The following DLG2 variants were observed in gnomAD, a reference collection of about 807,000 sequenced individuals.
DLG2 encodes the protein disks large homolog 2.
In DLG2, 45 loss-of-function variants were observed where a neutral mutation model predicts 132.5. The observed-to-expected ratio is 0.34, with a 90% CI of 0.27 to 0.44. DLG2 has a LOEUF of 0.44. DLG2 is among the 20% of genes least tolerant of loss of function. DLG2 has a pLI of 1.00. For synonymous variants in DLG2, 424 were observed against 419.6 expected (o/e 1.01, Z -0.13); for missense variants, 1,045 against 1,196.9 (o/e 0.87, Z 1.87).
rs145957192 is a variant in DLG2, at chr11:84,595,122, A to G, written c.358-60391T>C. ...TGGGGGTCTCATACCTATCTTGAATATATAGTTATGGTAGAAAAAGTTCTA... is the reference window on the plus strand; with the variant it reads ...TGGGGGTCTCATACCTATCTTGAATGTATAGTTATGGTAGAAAAAGTTCTA... On this transcript the variant is annotated intron_variant, in intron 6 of 27. Coordinates refer to ENST00000376104, the MANE Select transcript of DLG2 (RefSeq NM_001142699.3). 1.9e-3 allele frequency among the ~76,000 whole-genome samples: 288 copies of G among 152,224 alleles called. 3 individuals carry two copies. The highest frequency in any genetic ancestry group is 6.6e-3 in the African/African-American group (274 of 41,530).
intron 18 of DLG2, among the ~76,000 whole-genome samples, chr11:83,695,815 A>C (rs1471883252): frequency 6.6e-6 from 1 of 152,100 alleles, no homozygotes; most frequent in Non-Finnish European, 1.5e-5. Context: ...TAACCAAGGG[A>C]GAAGAGGTTG....
chr11:84,780,313 TTAA>T (rs2071496251), intron 6 of DLG2, among the ~76,000 whole-genome samples: 1 of 151,796 alleles, frequency 6.6e-6, no homozygotes, highest in Non-Finnish European at 1.5e-5. Flanking sequence ...GAAAAAGCAT[TTAA>T]TAAAATTCAG....
chr11:84,994,332 T>C (rs1666869455), intron 6 of DLG2, among the ~76,000 whole-genome samples: 1 of 152,186 alleles, frequency 6.6e-6, no homozygotes, highest in South Asian at 2.1e-4. Flanking sequence ...TCAAGTGGGA[T>C]CATTCCTGTA....
intron 4 of DLG2, among the ~76,000 whole-genome samples, chr11:85,259,029 G>C (rs1204964972): frequency 6.6e-6 from 1 of 152,152 alleles, no homozygotes; most frequent in Non-Finnish European, 1.5e-5. Context: ...TTGAGGTTCT[G>C]TCACCCCTTA....
At chr11:84,582,197 G>A (rs1381281575) in intron 6 of DLG2, among the ~76,000 whole-genome samples, 2 of 151,588 alleles carry the variant, frequency 1.3e-5, no homozygotes, top group South Asian at 2.1e-4. Context: ...AAGTTCTTGA[G>A]TAGAAAGGCA....
At chr11:83,791,930 C>A (rs2041677719) in intron 17 of DLG2, among the ~76,000 whole-genome samples, 1 of 152,188 alleles carries the variant, frequency 6.6e-6, no homozygotes, top group Non-Finnish European at 1.5e-5. Context: ...CTTTATTTCT[C>A]TTGCTCTCCT....
intron 17 of DLG2, among the ~76,000 whole-genome samples, chr11:83,818,723 T>C (rs1227776008): frequency 6.6e-6 from 1 of 152,148 alleles, no homozygotes; most frequent in African/African-American, 2.4e-5. Context: ...CAGGGAAAGA[T>C]GGTGAGCCAC....
chr11:85,066,139 T>C (rs767067666), intron 6 of DLG2, among the ~76,000 whole-genome samples: 1 of 151,338 alleles, frequency 6.6e-6, no homozygotes, highest in Non-Finnish European at 1.5e-5. Flanking sequence ...AACTCAGAAA[T>C]AGAAAAGATT....
At chr11:85,573,524 G>A (rs1304777487) in intron 3 of DLG2, among the ~76,000 whole-genome samples, 1 of 152,202 alleles carries the variant, frequency 6.6e-6, no homozygotes, top group South Asian at 2.1e-4. Flanking sequence ...GTAGTGGCTA[G>A]TAGCCACTGG....
At chr11:83,721,642 A>G (rs1438457393) in intron 18 of DLG2, among the ~76,000 whole-genome samples, 1 of 152,262 alleles carries the variant, frequency 6.6e-6, no homozygotes, top group Non-Finnish European at 1.5e-5. Context: ...TTTGTCAGCA[A>G]TGAGGAAAGC....
chr11:84,879,190 G>T (rs888686209), intron 6 of DLG2, among the ~76,000 whole-genome samples: 1 of 152,042 alleles, frequency 6.6e-6, no homozygotes, highest in Admixed American at 6.6e-5. Flanking sequence ...TCTAATGGCT[G>T]CAAGTCAATC....
intron 3 of DLG2, among the ~76,000 whole-genome samples, chr11:85,482,685 G>C (rs775879274): frequency 1.4e-4 from 22 of 152,070 alleles, no homozygotes; most frequent in Non-Finnish European, 2.6e-4. Context: ...GCAAGTACTT[G>C]TGATCCTAAG....
At chr11:84,005,296 C>T (rs1044440003) in intron 11 of DLG2, among the ~76,000 whole-genome samples, 8 of 151,900 alleles carry the variant, frequency 5.3e-5, no homozygotes, top group Non-Finnish European at 8.9e-5. Context: ...TGGATATCCA[C>T]ATGCAAAAGA....
intron 11 of DLG2, among the ~76,000 whole-genome samples, chr11:84,025,421 C>T (rs567061151): frequency 3.9e-5 from 6 of 152,088 alleles, no homozygotes; most frequent in African/African-American, 7.2e-5. Context: ...TCCCCCAACA[C>T]TTGGGAATTC....
At chr11:84,234,563 A>G (rs541997530) in intron 8 of DLG2, among the ~76,000 whole-genome samples, 1 of 152,240 alleles carries the variant, frequency 6.6e-6, no homozygotes, top group Non-Finnish European at 1.5e-5. Flanking sequence ...AAGCCCCCCA[A>G]CCAACCAAAT....
chr11:84,385,710 A>G (rs887776257), intron 7 of DLG2, among the ~76,000 whole-genome samples: 3 of 152,110 alleles, frequency 2.0e-5, no homozygotes, highest in Admixed American at 2.0e-4. Context: ...TAATCAACCT[A>G]ACCTGCCTAC....
intron 18 of DLG2, among the ~76,000 whole-genome samples, chr11:83,660,419 A>ATGTTT (rs1400546211): frequency 6.6e-6 from 1 of 152,222 alleles, no homozygotes; most frequent in Non-Finnish European, 1.5e-5. Flanking sequence ...TTTTACAACA[A>ATGTTT]AATCCACATT....
intron 7 of DLG2, among the ~76,000 whole-genome samples, chr11:84,338,872 T>A (rs895808289): frequency 3.3e-5 from 5 of 152,066 alleles, no homozygotes; most frequent in Non-Finnish European, 5.9e-5. Context: ...CATATGAAAA[T>A]TAAATAATAC....
At chr11:84,636,281 C>T (rs528690828) in intron 6 of DLG2, among the ~76,000 whole-genome samples, 1 of 152,270 alleles carries the variant, frequency 6.6e-6, no homozygotes, top group South Asian at 2.1e-4. Flanking sequence ...ACAGTCCTCC[C>T]TAAAATTCTA....
Sources: gnomAD v4.1 joint callset for allele counts (sites outside exome capture counted in the v4.1 genomes callset) on GRCh38, gnomAD v4.1.1 for gene constraint, MANE v1.5 for transcripts, NCBI Gene and HGNC (gene_info 2026-07-23, HGNC 2026-07-21) for gene names.